Variants in TTC13 observed in about 807,000 individuals in gnomAD.
TTC13 encodes tetratricopeptide repeat protein 13.
In TTC13, 62 loss-of-function variants were observed where a neutral mutation model predicts 120.0. That is an observed-to-expected ratio of 0.52 (90% CI 0.42 to 0.64). The LOEUF (loss-of-function observed/expected upper bound fraction) is 0.64, where lower values mean the gene tolerates loss of function less well. Among genes scored for constraint, TTC13 ranks in the 30% least tolerant of loss-of-function variants. TTC13 has a pLI of 0.00. For synonymous variants in TTC13, 384 were observed against 393.5 expected (o/e 0.98, Z 0.28); for missense variants, 824 against 1,050.2 (o/e 0.78, Z 2.98).
chr1:230,958,073 T>C, intron 3 of TTC13, 151 bp downstream of exon 3: 1 of 548,584 alleles, frequency 1.8e-6, no homozygotes, highest in Non-Finnish European at 3.0e-6. Context: ...ATAAATGGAA[T>C]GTCACAAGGG....
intron 2 of TTC13, 150 bp from the exon 3 acceptor site, chr1:230,958,449 C>T: frequency 3.4e-6 from 3 of 883,548 alleles, no homozygotes; most frequent in Non-Finnish European, 5.0e-6. Context: ...GAATGTTTTA[C>T]ACTTTATGGC....
At chr1:230,947,006 G>T (rs1675065475) in intron 4 of TTC13, among the ~76,000 whole-genome samples, 1 of 151,942 alleles carries the variant, frequency 6.6e-6, no homozygotes, top group African/African-American at 2.4e-5. Flanking sequence ...TTTCCTCTGG[G>T]GAGTGAGATT....
In TTC13 at chr1:230,943,786, A is replaced by G. The variant is rs765706876; in HGVS notation, c.672+20T>C. ...CAACTAATCCAATAATGACAGAGGG[A>G]AAAAGAAAGCCACACTCACTTCTGC... On this transcript the variant is annotated intron_variant, in intron 6 of 22. Coordinates refer to ENST00000366661, the MANE Select transcript of TTC13 (RefSeq NM_024525.5). 6.3e-7 allele frequency: 1 copy of G among 1,575,678 alleles called. No individual in the cohort carries two copies. Among genetic ancestry groups the G allele is most frequent in the South Asian group, 1.2e-5 (1 of 84,942 alleles).
Position 230,940,398 on chromosome 1 carries a change from T to C in TTC13, c.789+42A>G. 2 of 1,322,950 alleles carry C rather than the reference T, an allele frequency of 1.5e-6. No homozygotes were observed. The highest frequency in any genetic ancestry group is 2.4e-5 in the South Asian group (2 of 82,466). 82.0% of individuals were successfully genotyped at this position (1,322,950 alleles called of 1,614,324 possible). A position where few individuals can be genotyped will look rare whatever the true frequency, so the allele number is the denominator to read the frequency against. On this transcript the variant is annotated intron_variant, in intron 7 of 22. Transcript: ENST00000366661. The surrounding 1 kb of genome is among the most constrained non-coding windows in gnomAD (Gnocchi z 4.1). ...TTCTGAGGTCAAGGGAAAAATGAAA[T>C]CTTCATCATCATAAAAATACTTCAA... is the stretch of plus-strand genomic sequence containing the variant.
intron 2 of TTC13, among the ~76,000 whole-genome samples, 188 bp downstream of exon 2, chr1:230,961,021 G>C (rs1676584326): frequency 6.6e-6 from 1 of 152,174 alleles, no homozygotes; most frequent in Admixed American, 6.5e-5. Flanking sequence ...TCTATGTCCA[G>C]AATAATCAAC....
chr1:230,953,296 G>A (rs1232277521), intron 4 of TTC13, among the ~76,000 whole-genome samples: 1 of 152,092 alleles, frequency 6.6e-6, no homozygotes, highest in African/African-American at 2.4e-5. Flanking sequence ...GATATTATCA[G>A]TATAATTAAC....
Position 230,911,545 on chromosome 1 carries a change from G to A in TTC13, c.2234C>T (p.Ala745Val), listed in dbSNP as rs765004171. 6.5e-7 allele frequency: 1 copy of A among 1,546,496 alleles called. No homozygotes were observed. Among genetic ancestry groups the A allele is most frequent in the Non-Finnish European group, 8.7e-7 (1 of 1,151,890 alleles). Residue 745 changes from alanine (A) to valine (V), a missense_variant, in exon 20 of 23, where the codon GCT becomes GTT. By Grantham distance (64) the Ala-to-Val change is moderately conservative. Around this residue, in one of 4 missense-constraint regions of TTC13, gnomAD observed 226 missense variants for 259.1 expected, o/e 0.87. Transcript: ENST00000366661. Reference sequence around the variant, plus strand: ...TAAGATTAAGTTGCAGACAGCATCAGCCTCCTAGAAAAAAAAGATACAGAC... The same window carrying A: ...TAAGATTAAGTTGCAGACAGCATCAACCTCCTAGAAAAAAAAGATACAGAC... ...VLILSSEFGE[A>V]DAVCNLILSL...
At chr1:230,954,306 A>C (rs1329350474) in intron 4 of TTC13, 27 bp downstream of exon 4, 1 of 1,575,364 alleles carries the variant, frequency 6.3e-7, no homozygotes, top group Non-Finnish European at 8.7e-7. Flanking sequence ...ATAAACTCAA[A>C]ATTACATAAA....
At chr1:230,915,144 G>A (rs930367087) in intron 18 of TTC13, among the ~76,000 whole-genome samples, 1 of 152,212 alleles carries the variant, frequency 6.6e-6, no homozygotes, top group Non-Finnish European at 1.5e-5. Context: ...TGCTGAACTG[G>A]TGTTTACTCA....
chr1:230,928,797 T>C (rs1226353480), intron 12 of TTC13, 140 bp downstream of exon 12: 19 of 755,234 alleles, frequency 2.5e-5, no homozygotes, highest in Non-Finnish European at 4.1e-5. Context: ...GGCACAAGGA[T>C]AGTATGCTTG....
At chr1:230,945,506 A>G in intron 4 of TTC13, 52 bp from the exon 5 acceptor site, 1 of 1,554,368 alleles carries the variant, frequency 6.4e-7, no homozygotes, top group Non-Finnish European at 8.9e-7. Flanking sequence ...AAACAAAACA[A>G]AAAATCAGTT....
chr1:230,916,032 A>AT (rs1459590721), intron 18 of TTC13, among the ~76,000 whole-genome samples, 161 bp downstream of exon 18: 1 of 152,122 alleles, frequency 6.6e-6, no homozygotes, highest in African/African-American at 2.4e-5. Context: ...TAGATGTCAC[A>AT]TTTTTTTAAA....
chr1:230,926,650 G>A (rs1245120835), intron 12 of TTC13, among the ~76,000 whole-genome samples: 1 of 152,182 alleles, frequency 6.6e-6, no homozygotes. Flanking sequence ...AGCAGTCATA[G>A]ACCTGCTACT....
At chr1:230,951,527 G>A (rs991314890) in intron 4 of TTC13, among the ~76,000 whole-genome samples, 3 of 152,178 alleles carry the variant, frequency 2.0e-5, no homozygotes, top group East Asian at 1.9e-4. Context: ...GCAAGGAACA[G>A]GTAAAAACTT....
chr1:230,929,558 C>T (rs1362402375), intron 11 of TTC13, among the ~76,000 whole-genome samples: 1 of 152,184 alleles, frequency 6.6e-6, no homozygotes, highest in African/African-American at 2.4e-5. Context: ...TTGTGATCCG[C>T]CTGCCTCAGC....
rs1670943715 is a variant in TTC13 at position 230,906,456 on chromosome 1, C to T, written c.*449G>A. 1 of 152,316 alleles carries T rather than the reference C, an allele frequency of 6.6e-6. No individual in the cohort carries two copies. The highest frequency in any genetic ancestry group is 2.4e-5 in the African/African-American group (1 of 41,438). 9.4% of individuals were successfully genotyped at this position (152,316 alleles called of 1,614,324 possible). ...GTTCTAATAAAACAAAGGACCCACA[C>T]ATGGAGGTTACGTGAGTCAACAAAA... On this transcript the variant is annotated 3_prime_UTR_variant, in exon 23 of 23. Coordinates refer to ENST00000366661, the MANE Select transcript of TTC13 (RefSeq NM_024525.5).
intron 8 of TTC13, among the ~76,000 whole-genome samples, chr1:230,934,103 C>T (rs1673819170): frequency 6.6e-6 from 1 of 152,134 alleles, no homozygotes; most frequent in South Asian, 2.1e-4. Flanking sequence ...AATGGGACAT[C>T]AGCTTTCCAT....
In TTC13 at chr1:230,929,080, A is replaced by G; in HGVS notation, c.1314T>C (p.Tyr438=). ...GGGGGGTATCAAGGTGTGCATGAAG[A>G]TATCGAGAATACTCTGCAGAAAGGA... ...KVKYLREYSR[Y]LHAHLDTPLT... Residue 438 remains tyrosine (Y), a synonymous_variant, in exon 12 of 23, where the codon TAT becomes TAC. Transcript: ENST00000366661. The G allele has an allele frequency of 6.2e-7, 1 of 1,613,866 alleles. No individual in the cohort carries two copies. Among genetic ancestry groups the G allele is most frequent in the Non-Finnish European group, 8.5e-7 (1 of 1,179,862 alleles).
At position 230,924,435 on chromosome 1, in the gene TTC13, C is replaced by T. The variant is rs1336861972; in HGVS notation, c.1721+406G>A. ...GCAAGCTCCGCCTCCTGGGTTCACG[C>T]CATTCTCCTGCCTCAGCCTCCGGAG... On this transcript the variant is annotated intron_variant, in intron 14 of 22. Transcript: ENST00000366661. Among the ~76,000 whole-genome samples the T allele has an allele frequency of 2.0e-5, 3 of 152,292 alleles. No individual in the cohort carries two copies. The East Asian group carries it at 5.8e-4, about 29-fold the overall frequency.
Sources: gnomAD v4.1 joint callset for allele counts (sites outside exome capture counted in the v4.1 genomes callset) on GRCh38, gnomAD v4.1.1 for gene constraint, gnomAD v4.1.1 regional missense constraint, Gnocchi (gnomAD v3.1) non-coding constraint, MANE v1.5 for transcripts, NCBI Gene and HGNC (gene_info 2026-07-23, HGNC 2026-07-21) for gene names.